MS4A10: variants seen among roughly 807,000 people sequenced by gnomAD.
MS4A10 encodes membrane spanning 4-domains A10.
In MS4A10, 27 loss-of-function variants were observed where a neutral mutation model predicts 27.7. The ratio of observed to expected loss-of-function variants is 0.98; its 90% CI spans 0.72 to 1.35. The LOEUF (loss-of-function observed/expected upper bound fraction) is 1.35. Among genes scored for constraint, MS4A10 ranks in the 40% most tolerant of loss-of-function variants. MS4A10 has a pLI of 0.00. For synonymous variants in MS4A10, 139 were observed against 131.2 expected, an observed-to-expected ratio of 1.06 and a Z score of -0.41; for missense variants, 338 against 324.7, an observed-to-expected ratio of 1.04 and a Z score of -0.32.
chr11:60,788,657 T>A (rs796756071), intron 1 of MS4A10, among the ~76,000 whole-genome samples: 2 of 152,174 alleles, frequency 1.3e-5, no homozygotes, highest in South Asian at 4.1e-4. Context: ...ACAAAAAGAA[T>A]CATACAGCAC....
At chr11:60,787,411 T>C (rs756436128) in intron 1 of MS4A10, among the ~76,000 whole-genome samples, 2 of 151,824 alleles carry the variant, frequency 1.3e-5, no homozygotes, top group African/African-American at 2.4e-5. Context: ...TACGAGAGAG[T>C]CATAACAAAC....
intron 2 of MS4A10, 51 bp downstream of exon 2, chr11:60,790,569 G>C: frequency 8.1e-6 from 13 of 1,597,756 alleles, no homozygotes; most frequent in Non-Finnish European, 1.1e-5. Flanking sequence ...AGGAGAGGGG[G>C]ATATGAGGAG....
rs1406449162 is a variant in MS4A10 at position 60,795,618 on chromosome 11, G to A, written c.556G>A (p.Val186Met). The change falls in exon 6 of 8, where the codon GTG (valine) becomes ATG (methionine). Residue 186 changes from valine (V) to methionine (M), a missense_variant. Transcript: ENST00000308287. ...CFTVLELFLP[V>M]PTAVTAWRGD... ...CACTGTCCTAGAGCTCTTCCTGCCA[G>A]TGCCCACAGCTGTCACAGCCTGGAG... The A allele has an allele frequency of 3.1e-6, 5 of 1,596,304 alleles. No individual in the cohort carries two copies. Among genetic ancestry groups the A allele is most frequent in the South Asian group, 1.1e-5 (1 of 88,238 alleles).
intron 6 of MS4A10, among the ~76,000 whole-genome samples, chr11:60,798,025 C>T (rs1202827895): frequency 1.3e-5 from 2 of 152,244 alleles, no homozygotes; most frequent in Admixed American, 6.5e-5. Flanking sequence ...TTGGCAGACA[C>T]TGTTGGCATT....
At chr11:60,786,187 A>ATG (rs1554971111) in intron 1 of MS4A10, among the ~76,000 whole-genome samples, 44 of 138,430 alleles carry the variant, frequency 3.2e-4, no homozygotes, top group Admixed American at 1.6e-3. Flanking sequence ...ACACACACAC[A>ATG]CGCACACACA....
intron 2 of MS4A10, among the ~76,000 whole-genome samples, 189 bp from the exon 3 acceptor site, chr11:60,790,785 G>A (rs962649053): frequency 3.9e-5 from 6 of 152,170 alleles, no homozygotes; most frequent in Admixed American, 2.0e-4. Flanking sequence ...CCACCCATGG[G>A]GCCCTTGGCA....
intron 1 of MS4A10, among the ~76,000 whole-genome samples, chr11:60,789,549 A>C (rs1342472202): frequency 6.6e-6 from 1 of 152,230 alleles, no homozygotes; most frequent in Non-Finnish European, 1.5e-5. Flanking sequence ...TTGAGCCAAC[A>C]GTGCATGAAG....
chr11:60,798,434 T>TC lies in MS4A10; in HGVS notation c.643dup (p.Leu215ProfsTer32). 3 of 1,614,130 alleles carry TC rather than the reference T, an allele frequency of 1.9e-6. No homozygotes were observed. Among genetic ancestry groups the TC allele is most frequent in the Non-Finnish European group, 2.5e-6 (3 of 1,180,006 alleles). ...GCCTTGTTCCGAATACACCATTGCA[T>TC]CTCAAAGGCCTGCCGGTGGAGCCCC... On this transcript the variant is annotated frameshift_variant, in exon 7 of 8. Coordinates refer to ENST00000308287, the MANE Select transcript of MS4A10 (RefSeq NM_206893.4). LOFTEE classifies it high-confidence loss of function.
At chr11:60,788,783 T>C (rs1854379540) in intron 1 of MS4A10, among the ~76,000 whole-genome samples, 2 of 152,224 alleles carry the variant, frequency 1.3e-5, no homozygotes, top group Admixed American at 6.5e-5. Flanking sequence ...CAGGGGGTCC[T>C]ACCCAGCAGC....
chr11:60,787,856 A>G (rs1393936120), intron 1 of MS4A10, among the ~76,000 whole-genome samples: 3 of 152,008 alleles, frequency 2.0e-5, no homozygotes, highest in Non-Finnish European at 4.4e-5. Flanking sequence ...CATCTCTACT[A>G]AAAATACAAA....
chr11:60,790,255 C>G (rs1317517672), intron 1 of MS4A10, 59 bp from the exon 2 acceptor site: 2 of 1,447,356 alleles, frequency 1.4e-6, no homozygotes, highest in Non-Finnish European at 1.9e-6. Flanking sequence ...CAGAGGCTCA[C>G]CCAGGCACAA....
rs751033872 is a variant in MS4A10 at position 60,794,043 on chromosome 11, G to T, written c.432G>T (p.Lys144Asn). 1.4e-5 allele frequency: 22 copies of T among 1,613,970 alleles called. No homozygotes were observed. The Admixed American group carries it at 2.5e-4, about 18-fold the overall frequency. Residue 144 changes from lysine (K) to asparagine (N), a missense_variant, in exon 5 of 8, where the codon AAG becomes AAT. Lys to Asn is a moderately conservative substitution (Grantham distance 94, BLOSUM62 0). Coordinates refer to ENST00000308287, the MANE Select transcript of MS4A10 (RefSeq NM_206893.4). Reference protein sequence around the residue: ...CVLSGLFVISKDLFLESPFES... With the variant: ...CVLSGLFVISNDLFLESPFES... ...TGTCTGGCCTCTTCGTCATCTCCAA[G>T]GATCTCTTTCTGGAGAGCCCATTTG...
chr11:60,796,600 G>A (rs1371470055), intron 6 of MS4A10, among the ~76,000 whole-genome samples: 2 of 152,128 alleles, frequency 1.3e-5, no homozygotes, highest in Non-Finnish European at 2.9e-5. Flanking sequence ...ACAACCCTTT[G>A]AGGTACTTAC....
rs374960907 is a variant in MS4A10 at position 60,790,477 on chromosome 11, G to T, written c.142G>T (p.Glu48Ter). 23 of 1,614,024 alleles carry T rather than the reference G, an allele frequency of 1.4e-5. 1 individual carries two copies. The South Asian group carries it at 2.4e-4, about 17-fold the overall frequency. ...QPKLLAPHQH[E>*]KSQKKSSLLK... ...CAAGCTCCTGGCTCCACACCAGCAC[G>T]AGAAGTCCCAGAAGAAGAGCAGCCT... Residue 48 changes from glutamate to a stop codon, truncating the protein, a stop_gained, in exon 2 of 8, where the codon GAG becomes TAG. Transcript: ENST00000308287. LOFTEE classifies it high-confidence loss of function.
At chr11:60,797,122 G>A (rs1478452157) in intron 6 of MS4A10, among the ~76,000 whole-genome samples, 1 of 152,272 alleles carries the variant, frequency 6.6e-6, no homozygotes, top group East Asian at 1.9e-4. Flanking sequence ...CTGACAGGAA[G>A]TCTTCTCATT....
At chr11:60,794,595 A>G (rs1590999483) in intron 5 of MS4A10, among the ~76,000 whole-genome samples, 1 of 151,924 alleles carries the variant, frequency 6.6e-6, no homozygotes, top group East Asian at 1.9e-4. Flanking sequence ...TGCTCTTTTC[A>G]CCATATCACT....
intron 6 of MS4A10, among the ~76,000 whole-genome samples, chr11:60,796,196 T>G (rs78099060): frequency 2.4e-4 from 37 of 151,698 alleles, no homozygotes; most frequent in Admixed American, 1.6e-3. Context: ...ATGCATCCAT[T>G]GATGGATGGA....
At chr11:60,787,986 C>T (rs930613685) in intron 1 of MS4A10, among the ~76,000 whole-genome samples, 6 of 151,992 alleles carry the variant, frequency 3.9e-5, no homozygotes, top group African/African-American at 1.5e-4. Context: ...CACTACACTC[C>T]AGCCTGGGTG....
chr11:60,785,952 C>A (rs1352117913), intron 1 of MS4A10, among the ~76,000 whole-genome samples: 1 of 152,056 alleles, frequency 6.6e-6, no homozygotes, highest in Non-Finnish European at 1.5e-5. Flanking sequence ...TGGGTGAGCT[C>A]TCTTTACACC....
Sources: allele counts gnomAD v4.1 joint callset (sites outside exome capture counted in the v4.1 genomes callset), GRCh38; gene constraint gnomAD v4.1.1; transcripts MANE v1.5; gene names NCBI Gene and HGNC (gene_info 2026-07-23, HGNC 2026-07-21).